PBX1: variants seen among roughly 807,000 people sequenced by gnomAD.
PBX1 encodes the protein pre-B-cell leukemia transcription factor 1.
A neutral mutation model predicts 53.4 loss-of-function variants in PBX1; 6 were observed. The observed-to-expected ratio is 0.11, with a 90% CI of 0.06 to 0.22. The LOEUF (loss-of-function observed/expected upper bound fraction) is 0.22, where lower values mean the gene tolerates loss of function less well. Ranked by LOEUF, PBX1 falls within the 10% of genes least tolerant of loss-of-function variation. The probability of loss-of-function intolerance (pLI) is 1.00; values close to 1 mark genes in which losing one functional copy is unlikely to be tolerated. For missense variants in PBX1, 251 were observed against 551.4 expected (o/e 0.46, Z 5.46); for synonymous variants, 204 against 212.3 (o/e 0.96, Z 0.34).
At chr1:164,705,261 A>C (rs1217554087) in intron 2 of PBX1, among the ~76,000 whole-genome samples, 1 of 152,194 alleles carries the variant, frequency 6.6e-6, no homozygotes, top group Non-Finnish European at 1.5e-5. Context: ...CCATTCATCT[A>C]TACAGTATTA....
At chr1:164,642,739 G>C (rs1659219672) in intron 2 of PBX1, 1 of 152,152 alleles carries the variant, frequency 6.6e-6, no homozygotes, top group Admixed American at 6.5e-5. Context: ...AAAACTATTT[G>C]CCTTCAAGGA....
At chr1:164,572,883 G>A (rs979506754) in intron 2 of PBX1, among the ~76,000 whole-genome samples, 1 of 151,970 alleles carries the variant, frequency 6.6e-6, no homozygotes, top group South Asian at 2.1e-4. Flanking sequence ...ACCTCTGTCC[G>A]GGAGTTTTAG....
intron 8 of PBX1, among the ~76,000 whole-genome samples, chr1:164,843,759 G>T (rs1671421822): frequency 6.6e-6 from 1 of 152,074 alleles, no homozygotes; most frequent in Non-Finnish European, 1.5e-5. Flanking sequence ...ACTTTTTAAA[G>T]AAAAGAGATC....
intron 2 of PBX1, among the ~76,000 whole-genome samples, chr1:164,788,731 T>C (rs1029596223): frequency 6.6e-6 from 1 of 151,796 alleles, no homozygotes; most frequent in Non-Finnish European, 1.5e-5. Context: ...TGACTGTTGT[T>C]GGTTTTTCTA....
intron 8 of PBX1, among the ~76,000 whole-genome samples, chr1:164,831,791 C>T (rs1670778670): frequency 6.6e-6 from 1 of 152,148 alleles, no homozygotes; most frequent in South Asian, 2.1e-4. Flanking sequence ...ACATAGTTGT[C>T]CACAGAATAG....
intron 2 of PBX1, among the ~76,000 whole-genome samples, chr1:164,711,480 G>A (rs575414009): frequency 2.8e-4 from 43 of 152,268 alleles, no homozygotes; most frequent in African/African-American, 9.9e-4. Context: ...AGCCATGATG[G>A]TCTCGATCTC....
Position 164,846,809 on chromosome 1 carries a change from T to C in PBX1, c.*133T>C, listed in dbSNP as rs1381946330. ...TCAGCAAACACAATAAGAGTCTCCT[T>C]CTCTTCTCTTCTTTGGGATGCTATT... On this transcript the variant is annotated 3_prime_UTR_variant, in exon 9 of 9. Transcript: ENST00000420696. 1.6e-5 allele frequency: 24 copies of C among 1,515,224 alleles called. No homozygotes were observed. The highest frequency in any genetic ancestry group is 2.1e-5 in the Non-Finnish European group (24 of 1,132,456). The allele number at this position is 1,515,224 out of a possible 1,614,324, so 93.9% of individuals were successfully genotyped here. A position where few individuals can be genotyped will look rare whatever the true frequency, so the allele number is the denominator to read the frequency against.
At chr1:164,806,112 A>G (rs1377264259) in intron 4 of PBX1, among the ~76,000 whole-genome samples, 2 of 152,208 alleles carry the variant, frequency 1.3e-5, no homozygotes, top group Non-Finnish European at 2.9e-5. Context: ...AAGAAAGGCA[A>G]AAGTGCTAAG....
At chr1:164,763,554 G>A (rs1666914240) in intron 2 of PBX1, among the ~76,000 whole-genome samples, 1 of 152,176 alleles carries the variant, frequency 6.6e-6, no homozygotes, top group Non-Finnish European at 1.5e-5. Flanking sequence ...AAATGTCACT[G>A]CACTTGGGTT....
At chr1:164,829,212 T>G (rs1242282347) in intron 8 of PBX1, 1 of 152,234 alleles carries the variant, frequency 6.6e-6, no homozygotes, top group Non-Finnish European at 1.5e-5. Flanking sequence ...GCCAGTATAG[T>G]CAATATTATT....
chr1:164,819,973 G>A (rs1418612517), intron 6 of PBX1, 99 bp from the exon 7 acceptor site: 20 of 688,234 alleles, frequency 2.9e-5, no homozygotes, highest in Non-Finnish European at 5.2e-5. Flanking sequence ...TTTATTTGGG[G>A]GGGGTTGCTT....
At chr1:164,618,303 G>GT (rs1043510510) in intron 2 of PBX1, among the ~76,000 whole-genome samples, 19 of 150,296 alleles carry the variant, frequency 1.3e-4, no homozygotes, top group Non-Finnish European at 2.4e-4. Flanking sequence ...ACGGCGGGGG[G>GT]GGGGGGGCAC....
intron 2 of PBX1, among the ~76,000 whole-genome samples, chr1:164,785,676 A>G (rs578105736): frequency 6.6e-6 from 1 of 152,324 alleles, no homozygotes; most frequent in Non-Finnish European, 1.5e-5. Flanking sequence ...GGGTCATCCA[A>G]GGTCCCAGGA....
At chr1:164,626,041 C>A in intron 2 of PBX1, 1 of 1,040,238 alleles carries the variant, frequency 9.6e-7, no homozygotes, top group Non-Finnish European at 1.2e-6. Context: ...CCGGGAACCC[C>A]GTTACCCCCC....
chr1:164,689,423 A>G (rs1000487563), intron 2 of PBX1, among the ~76,000 whole-genome samples: 4 of 152,094 alleles, frequency 2.6e-5, no homozygotes, highest in Non-Finnish European at 4.4e-5. Flanking sequence ...GATCTGTCCA[A>G]AGATATTGAT....
At chr1:164,860,227 G>A (rs1112560) in intron 2 of PBX1, among the ~76,000 whole-genome samples, 74,749 of 151,404 alleles carry the variant, frequency 0.49, 18,607 homozygotes, top group Non-Finnish European at 0.52. Context: ...TCATGCAGGT[G>A]TATAATTCCA....
chr1:164,665,162 G>A (rs753594735), intron 2 of PBX1, among the ~76,000 whole-genome samples: 6 of 151,978 alleles, frequency 3.9e-5, no homozygotes, highest in Non-Finnish European at 5.9e-5. Flanking sequence ...TAGCTGTATC[G>A]GTCAGAAATT....
intron 2 of PBX1, among the ~76,000 whole-genome samples, chr1:164,619,778 CT>C (rs1396606684): frequency 6.6e-6 from 1 of 152,072 alleles, no homozygotes; most frequent in Admixed American, 6.5e-5. Flanking sequence ...AAAAAAAATC[CT>C]GTTTTTAGAT....
At chr1:164,611,043 C>A (rs192262994) in intron 2 of PBX1, among the ~76,000 whole-genome samples, 76 of 152,164 alleles carry the variant, frequency 5.0e-4, no homozygotes, top group African/African-American at 1.8e-3. Flanking sequence ...TGTGTCTGTC[C>A]CAGCTCCATA....
Sources: gnomAD v4.1 joint callset for allele counts (sites outside exome capture counted in the v4.1 genomes callset) on GRCh38, gnomAD v4.1.1 for gene constraint, MANE v1.5 for transcripts, NCBI Gene and HGNC (gene_info 2026-07-23, HGNC 2026-07-21) for gene names.